The following RPS4Y1 variants were observed in gnomAD, a reference collection of about 807,000 sequenced individuals.
RPS4Y1 encodes the protein small ribosomal subunit protein eS4, Y isoform 1.
For missense variants in RPS4Y1, 30 were observed against 60.9 expected, an observed-to-expected ratio of 0.49 and a Z score of 1.69; for synonymous variants, 23 against 20.8, an observed-to-expected ratio of 1.10 and a Z score of -0.28.
At chrY:2,842,316 T>A in intron 2 of RPS4Y1, 74 bp downstream of exon 2, 2 of 258,608 alleles carry the variant, frequency 7.7e-6, no homozygotes, top group Non-Finnish European at 1.2e-5. Context: ...TACCTGTGGC[T>A]CGGTATTTCT....
intron 4 of RPS4Y1, among the ~76,000 whole-genome samples, chrY:2,850,576 G>C: frequency 3.0e-5 from 1 of 33,173 alleles, no homozygotes; most frequent in Non-Finnish European, 7.4e-5. Flanking sequence ...CATAGAACTT[G>C]CTTGGACCTG....
chrY:2,866,763 T>C, intron 6 of RPS4Y1, 30 bp from the exon 7 acceptor site: 1 of 317,977 alleles, frequency 3.1e-6, no homozygotes, highest in Non-Finnish European at 4.7e-6. Flanking sequence ...TTTCTTTCTG[T>C]ACTTACTTTT....
At chrY:2,853,700 TAAAC>T (rs2051157690) in intron 4 of RPS4Y1, among the ~76,000 whole-genome samples, 2 of 33,763 alleles carry the variant, frequency 5.9e-5, no homozygotes, top group Admixed American at 2.7e-4. Context: ...TGGTAAGTGT[TAAAC>T]AAGGAATAAA....
In RPS4Y1 at chrY:2,867,015, C is replaced by T; in HGVS notation, c.*121C>T. 5.8e-6 allele frequency: 1 copy of T among 172,719 alleles called. No individual in the cohort carries two copies. Among genetic ancestry groups the T allele is most frequent in the East Asian group, 1.1e-4 (1 of 8,700 alleles). The allele number at this position is 172,719 out of a possible 400,897, so 43.1% of individuals were successfully genotyped here. A position where few individuals can be genotyped will look rare whatever the true frequency, so the allele number is the denominator to read the frequency against. ...TTTGAATTTGCTCATGATTTTGGCA[C>T]TGTCTTAAGATCTCTAGGAATACCA... On this transcript the variant is annotated 3_prime_UTR_variant, in exon 7 of 7. Transcript: ENST00000250784.
intron 5 of RPS4Y1, among the ~76,000 whole-genome samples, chrY:2,856,937 G>C: frequency 9.0e-5 from 3 of 33,343 alleles, no homozygotes; most frequent in Non-Finnish European, 7.4e-5. Context: ...AGTTTACTTA[G>C]TTTAGTCCTG....
chrY:2,855,672 G>A, intron 5 of RPS4Y1, among the ~76,000 whole-genome samples: 1 of 33,832 alleles, frequency 3.0e-5, no homozygotes, highest in African/African-American at 1.2e-4. Context: ...AGTTGAGAGG[G>A]CTTCCCATTA....
chrY:2,867,103 C>G lies in RPS4Y1; in HGVS notation c.*209C>G. 1 of 123,952 alleles carries G rather than the reference C, an allele frequency of 8.1e-6. No individual in the cohort carries two copies. The highest frequency in any genetic ancestry group is 1.6e-5 in the Non-Finnish European group (1 of 64,092). The allele number at this position is 123,952 out of a possible 400,897, so 30.9% of individuals were successfully genotyped here. On this transcript the variant is annotated 3_prime_UTR_variant, in exon 7 of 7. Coordinates refer to ENST00000250784, the MANE Select transcript of RPS4Y1 (RefSeq NM_001008.4). ...GCTTCCCTCATACATGTTACCCACA[C>G]CATCTCTGTGGGCAGAGTGATGGAG...
intron 5 of RPS4Y1, among the ~76,000 whole-genome samples, chrY:2,861,768 C>T (rs2124490925): frequency 3.3e-5 from 1 of 30,716 alleles, no homozygotes; most frequent in African/African-American, 1.3e-4. Flanking sequence ...GCATGTGCCA[C>T]CATGCCCGGC....
At chrY:2,856,723 A>G in intron 5 of RPS4Y1, among the ~76,000 whole-genome samples, 1 of 32,085 alleles carries the variant, frequency 3.1e-5, no homozygotes, top group Admixed American at 2.9e-4. Flanking sequence ...CAGCCTCCCA[A>G]GTAGAGACAG....
At chrY:2,844,316 A>G in intron 3 of RPS4Y1, 59 bp downstream of exon 3, 1 of 281,621 alleles carries the variant, frequency 3.6e-6, no homozygotes, top group East Asian at 9.6e-5. Context: ...GAAGGACAAG[A>G]TGTAGGGCTC....
Position 2,863,832 on chromosome Y carries a change from C to A in RPS4Y1, c.533-1256C>A. Among the ~76,000 whole-genome samples, 3 of 33,702 alleles carry A rather than the reference C, an allele frequency of 8.9e-5. No individual in the cohort carries two copies. In the South Asian group the frequency reaches 2.0e-3, roughly 22 times the overall value. The allele number at this position is 33,702 out of a possible 37,273, so 90.4% of individuals were successfully genotyped here. On this transcript the variant is annotated intron_variant, in intron 5 of 6. Coordinates refer to ENST00000250784, the MANE Select transcript of RPS4Y1 (RefSeq NM_001008.4). ...ATGTGATTTTGTTATCTTTCAGATACAGGTCTGTGGGTACTTTCTTGTGAC... is the reference window on the plus strand; with the variant it reads ...ATGTGATTTTGTTATCTTTCAGATAAAGGTCTGTGGGTACTTTCTTGTGAC...
At chrY:2,849,994 G>A in intron 4 of RPS4Y1, among the ~76,000 whole-genome samples, 10 of 34,448 alleles carry the variant, frequency 2.9e-4, no homozygotes, top group African/African-American at 4.5e-4. Context: ...ATAGAGGTTA[G>A]ACACAGAACT....
At position 2,867,006 on chromosome Y, in the gene RPS4Y1, A is replaced by G; in HGVS notation, c.*112A>G. On this transcript the variant is annotated 3_prime_UTR_variant, in exon 7 of 7. Coordinates refer to ENST00000250784, the MANE Select transcript of RPS4Y1 (RefSeq NM_001008.4). Reference sequence around the variant, plus strand: ...ATAGTAGGGTTTGAATTTGCTCATGATTTTGGCACTGTCTTAAGATCTCTA... The same window carrying G: ...ATAGTAGGGTTTGAATTTGCTCATGGTTTTGGCACTGTCTTAAGATCTCTA... 5.6e-6 allele frequency: 1 copy of G among 177,032 alleles called. No homozygotes were observed. 44.2% of individuals were successfully genotyped at this position (177,032 alleles called of 400,897 possible).
chrY:2,863,148 C>T (rs1603309227), intron 5 of RPS4Y1, among the ~76,000 whole-genome samples: 2 of 33,703 alleles, frequency 5.9e-5, no homozygotes, highest in East Asian at 1.6e-3. Context: ...GAAGGGTCTC[C>T]GCTTTCAACC....
intron 5 of RPS4Y1, among the ~76,000 whole-genome samples, chrY:2,859,419 A>G: frequency 4.5e-4 from 15 of 33,368 alleles, no homozygotes; most frequent in Admixed American, 4.1e-3. Flanking sequence ...TACTTTTTAT[A>G]GTGACAAAAA....
chrY:2,846,991 C>G, intron 4 of RPS4Y1, among the ~76,000 whole-genome samples: 1 of 33,752 alleles, frequency 3.0e-5, no homozygotes, highest in Non-Finnish European at 7.4e-5. Flanking sequence ...GCGAGAAGTG[C>G]CAAATGGTTG....
chrY:2,845,771 G>A (rs747218859), intron 4 of RPS4Y1, 28 bp downstream of exon 4: 5 of 321,726 alleles, frequency 1.6e-5, no homozygotes, highest in Non-Finnish European at 2.3e-5. Flanking sequence ...AGTGAGCTTT[G>A]TAATTTCCAG....
At chrY:2,866,765 C>T in intron 6 of RPS4Y1, 28 bp from the exon 7 acceptor site, 1 of 331,090 alleles carries the variant, frequency 3.0e-6, no homozygotes, top group Non-Finnish European at 4.5e-6. Flanking sequence ...TCTTTCTGTA[C>T]TTACTTTTAT....
intron 1 of RPS4Y1, chrY:2,841,960 C>T: frequency 2.7e-6 from 1 of 375,514 alleles, no homozygotes; most frequent in Non-Finnish European, 3.7e-6. Flanking sequence ...GGGAGACCCG[C>T]CAAGTTTTCA....
Sources: allele counts gnomAD v4.1 joint callset (sites outside exome capture counted in the v4.1 genomes callset), GRCh38; gene constraint gnomAD v4.1.1; transcripts MANE v1.5; gene names NCBI Gene and HGNC (gene_info 2026-07-23, HGNC 2026-07-21).